Variants in RIMBP2 observed in about 807,000 individuals in gnomAD.
The protein encoded by RIMBP2 is RIMS-binding protein 2.
A neutral mutation model predicts 118.6 loss-of-function variants in RIMBP2; 48 were observed. The observed-to-expected ratio is 0.40, with a 90% CI of 0.32 to 0.51. RIMBP2 has a LOEUF of 0.51. Among genes scored for constraint, RIMBP2 ranks in the 20% least tolerant of loss-of-function variants. The pLI is 0.41. For missense variants in RIMBP2, 1,551 were observed against 1,768.3 expected (o/e 0.88, Z 2.20); for synonymous variants, 762 against 742.9 (o/e 1.03, Z -0.42).
At chr12:130,632,895 C>T (rs1247186973) in intron 1 of RIMBP2, among the ~76,000 whole-genome samples, 3 of 152,146 alleles carry the variant, frequency 2.0e-5, no homozygotes, top group East Asian at 1.9e-4. Flanking sequence ...CATTGATGTA[C>T]GTTTTACTGC....
At chr12:130,628,699 A>G (rs1429297554) in intron 1 of RIMBP2, among the ~76,000 whole-genome samples, 1 of 152,196 alleles carries the variant, frequency 6.6e-6, no homozygotes, top group Non-Finnish European at 1.5e-5. Flanking sequence ...CAGTGCAACA[A>G]TACAACACAG....
At chr12:130,521,076 G>A (rs1369153880) in intron 2 of RIMBP2, among the ~76,000 whole-genome samples, 6 of 152,150 alleles carry the variant, frequency 3.9e-5, no homozygotes, top group African/African-American at 7.2e-5. Flanking sequence ...CCTTGGGGGG[G>A]AAATCAGAAA....
Position 130,710,459 on chromosome 12 carries a change from TAC to T in RIMBP2, c.-352+5761_-352+5762del, listed in dbSNP as rs879729338. ...ATACACGCAGGCGCACACACACACA[TAC>T]ACACACACACGTACACACACACATG... On this transcript the variant is annotated intron_variant, in intron 1 of 22. Transcript: ENST00000690449. This position sits in a 1 kb window ranked among gnomAD's most constrained non-coding sequence, Gnocchi z 4.3. Among the ~76,000 whole-genome samples the T allele has an allele frequency of 1.3e-4, 19 of 151,598 alleles. No individual in the cohort carries two copies. The highest frequency in any genetic ancestry group is 4.1e-4 in the African/African-American group (17 of 41,264).
In RIMBP2 at chr12:130,692,890, GTAGGA is replaced by G. The variant is rs201127915; in HGVS notation, c.-352+23327_-352+23331del. Reference sequence around the variant, plus strand: ...GTAGGGTAGGGTAGGGTAGGGTAGGGTAGGATAGGATAGGGTAGGGTAGGATAGGG... The same window carrying G: ...GTAGGGTAGGGTAGGGTAGGGTAGGGTAGGATAGGGTAGGGTAGGATAGGG... On this transcript the variant is annotated intron_variant, in intron 1 of 22. Coordinates refer to ENST00000690449, the MANE Select transcript of RIMBP2 (RefSeq NM_001393629.1). 2.5e-4 allele frequency among the ~76,000 whole-genome samples: 34 copies of G among 136,830 alleles called. 1 individual carries two copies. The highest frequency in any genetic ancestry group is 8.2e-4 in the African/African-American group (24 of 29,254). The allele number at this position is 136,830 out of a possible 152,430, so 89.8% of individuals were successfully genotyped here.
intron 1 of RIMBP2, among the ~76,000 whole-genome samples, chr12:130,650,226 G>C (rs1186373373): frequency 2.6e-5 from 4 of 152,098 alleles, no homozygotes; most frequent in Non-Finnish European, 5.9e-5. Flanking sequence ...TTCATGTGCA[G>C]CGTGGTCCCT....
chr12:130,477,811 A>G (rs1190008439), intron 5 of RIMBP2, among the ~76,000 whole-genome samples: 1 of 152,196 alleles, frequency 6.6e-6, no homozygotes, highest in Non-Finnish European at 1.5e-5. Flanking sequence ...TGTCGGATGG[A>G]TCGAGGGGCC....
chr12:130,638,362 G>A (rs2062445264), intron 1 of RIMBP2, among the ~76,000 whole-genome samples: 2 of 152,316 alleles, frequency 1.3e-5, no homozygotes, highest in Non-Finnish European at 1.5e-5. Flanking sequence ...ATCACTAAGT[G>A]AAAGAAGCCA....
At position 130,678,030 on chromosome 12, in the gene RIMBP2, C is replaced by T. The variant is rs186191585; in HGVS notation, c.-352+38192G>A. On this transcript the variant is annotated intron_variant, in intron 1 of 22. Transcript: ENST00000690449. ...CCTTCCTTCTTTCTCTACCCTTCTT[C>T]TTGGCAGAACAAAGGACTGTTCTGG... Among the ~76,000 whole-genome samples, 229 of 152,346 alleles carry T rather than the reference C, an allele frequency of 1.5e-3. 1 individual carries two copies. Among genetic ancestry groups the T allele is most frequent in the Middle Eastern group, 0.01 (3 of 294 alleles).
chr12:130,495,782 C>A (rs536379120), intron 4 of RIMBP2, among the ~76,000 whole-genome samples: 2 of 152,212 alleles, frequency 1.3e-5, no homozygotes, highest in Non-Finnish European at 2.9e-5. Flanking sequence ...TCACTGGGCA[C>A]ATTCTATGCT....
intron 2 of RIMBP2, among the ~76,000 whole-genome samples, chr12:130,575,075 C>T (rs1206062948): frequency 4.1e-5 from 3 of 73,240 alleles, no homozygotes; most frequent in Admixed American, 1.4e-4. Context: ...ATCCCCCAAC[C>T]CCACCCCCAG....
rs1017991371 is a variant in RIMBP2 at position 130,442,738 on chromosome 12, C to T, written c.692-78G>A. The T allele has an allele frequency of 4.9e-6, 6 of 1,218,314 alleles. No individual in the cohort carries two copies. Among genetic ancestry groups the T allele is most frequent in the Non-Finnish European group, 6.9e-6 (6 of 866,888 alleles). 75.5% of individuals were successfully genotyped at this position (1,218,314 alleles called of 1,614,324 possible). Reference sequence around the variant, plus strand: ...AGGCCCCCAGTGTACTCCCACCTCCCCCACCAGGACCATAAGGCAGAGCAA... The same window carrying T: ...AGGCCCCCAGTGTACTCCCACCTCCTCCACCAGGACCATAAGGCAGAGCAA... On this transcript the variant is annotated intron_variant, in intron 10 of 22. Coordinates refer to ENST00000690449, the MANE Select transcript of RIMBP2 (RefSeq NM_001393629.1). This position sits in a 1 kb window ranked among gnomAD's most constrained non-coding sequence, Gnocchi z 6.9.
chr12:130,505,291 C>G (rs1487040150), intron 4 of RIMBP2, among the ~76,000 whole-genome samples: 2 of 152,066 alleles, frequency 1.3e-5, no homozygotes, highest in African/African-American at 4.8e-5. Context: ...TGGCATCATT[C>G]TTTTCTAATT....
chr12:130,407,866 A>T (rs1296171666), intron 19 of RIMBP2, 37 bp from the exon 20 acceptor site: 18 of 1,575,994 alleles, frequency 1.1e-5, no homozygotes, highest in Non-Finnish European at 2.6e-6. Flanking sequence ...ATCCATCATG[A>T]GGTTATTTCA....
In RIMBP2 at chr12:130,446,870, C is replaced by T. The variant is rs893324489; in HGVS notation, c.582-1601G>A. On this transcript the variant is annotated intron_variant, in intron 9 of 22. Coordinates refer to ENST00000690449, the MANE Select transcript of RIMBP2 (RefSeq NM_001393629.1). This position sits in a 1 kb window ranked among gnomAD's most constrained non-coding sequence, Gnocchi z 4.1. ...AGGAGTTCCAGCAAAGGAGTTTGGTCGGGGAGTGACTTAGGAGGCTGTGGA... is the reference window on the plus strand; with the variant it reads ...AGGAGTTCCAGCAAAGGAGTTTGGTTGGGGAGTGACTTAGGAGGCTGTGGA... Among the ~76,000 whole-genome samples, 4 of 151,850 alleles carry T rather than the reference C, an allele frequency of 2.6e-5. No homozygotes were observed. Among genetic ancestry groups the T allele is most frequent in the South Asian group, 2.1e-4 (1 of 4,808 alleles).
At chr12:130,493,065 AGG>A (rs1454741704) in intron 4 of RIMBP2, among the ~76,000 whole-genome samples, 3 of 152,110 alleles carry the variant, frequency 2.0e-5, no homozygotes, top group Non-Finnish European at 4.4e-5. Flanking sequence ...TGGGCGCAGG[AGG>A]CGGAGGCTGC....
chr12:130,672,659 A>C (rs2064254149), intron 1 of RIMBP2, among the ~76,000 whole-genome samples: 1 of 152,222 alleles, frequency 6.6e-6, no homozygotes. Context: ...TGCAGAGGCC[A>C]GTCTGGCAGG....
At chr12:130,701,947 A>C (rs193148494) in intron 1 of RIMBP2, among the ~76,000 whole-genome samples, 1 of 152,146 alleles carries the variant, frequency 6.6e-6, no homozygotes, top group East Asian at 1.9e-4. Context: ...TGCTCTAGGG[A>C]AGGGACTGCA....
At chr12:130,594,564 A>C (rs1024174311) in intron 2 of RIMBP2, among the ~76,000 whole-genome samples, 2 of 152,196 alleles carry the variant, frequency 1.3e-5, no homozygotes, top group Admixed American at 1.3e-4. Context: ...AGCTAAAAGA[A>C]AATTGCAAAA....
At chr12:130,485,559 C>T (rs903012287) in intron 4 of RIMBP2, among the ~76,000 whole-genome samples, 6 of 152,238 alleles carry the variant, frequency 3.9e-5, no homozygotes, top group Non-Finnish European at 5.9e-5. Flanking sequence ...CTTAATTCTG[C>T]CATTTTGGCT....
Sources: allele counts gnomAD v4.1 joint callset (sites outside exome capture counted in the v4.1 genomes callset), GRCh38; gene constraint gnomAD v4.1.1; non-coding constraint Gnocchi (gnomAD v3.1); transcripts MANE v1.5; gene names NCBI Gene and HGNC (gene_info 2026-07-23, HGNC 2026-07-21).